The following RALA variants were observed in gnomAD, a reference collection of about 807,000 sequenced individuals.
RALA encodes RAS like proto-oncogene A, also known as ras-related protein Ral-A.
Under a neutral mutation model 24.0 loss-of-function variants are expected in RALA, and 5 were observed. The observed-to-expected ratio is 0.21, with a 90% confidence interval of 0.11 to 0.44. The LOEUF (loss-of-function observed/expected upper bound fraction) is 0.44. Ranked by LOEUF, RALA falls within the 20% of genes least tolerant of loss-of-function variation. RALA has a pLI of 0.99. For missense variants in RALA, 95 were observed against 241.2 expected, an observed-to-expected ratio of 0.39 and a Z score of 4.01; for synonymous variants, 77 against 83.8, an observed-to-expected ratio of 0.92 and a Z score of 0.44.
At chr7:39,697,761 T>TA (rs528360677) in intron 4 of RALA, among the ~76,000 whole-genome samples, 13 of 151,576 alleles carry the variant, frequency 8.6e-5, no homozygotes, top group Middle Eastern at 3.4e-3. Context: ...AGTACTAGGT[T>TA]AAAAAAAAAG....
intron 4 of RALA, chr7:39,697,450 C>T (rs926454699): frequency 2.2e-6 from 1 of 456,598 alleles, no homozygotes; most frequent in Non-Finnish European, 4.4e-6. Context: ...CCTGCAAGTA[C>T]ATTTCATCCC....
intron 1 of RALA, among the ~76,000 whole-genome samples, chr7:39,681,823 TTTC>T (rs1416955626): frequency 5.9e-5 from 9 of 152,198 alleles, no homozygotes; most frequent in African/African-American, 2.2e-4. Flanking sequence ...ACATTCAGTT[TTTC>T]TTGTTCAACT....
At chr7:39,636,241 G>A (rs768380684) in intron 1 of RALA, among the ~76,000 whole-genome samples, 3 of 152,126 alleles carry the variant, frequency 2.0e-5, no homozygotes, top group Non-Finnish European at 4.4e-5. Flanking sequence ...TGGAAGTGCT[G>A]GGTCGTATAA....
chr7:39,668,926 C>T lies in RALA; in HGVS notation c.-37-17705C>T, dbSNP rs535850325. Among the ~76,000 whole-genome samples, 8 of 151,392 alleles carry T rather than the reference C, an allele frequency of 5.3e-5. No individual in the cohort carries two copies. In the South Asian group the frequency reaches 1.3e-3, roughly 24 times the overall value. Reference sequence around the variant, plus strand: ...GTCAAGAGATCGAGACCATCCAGGCCGACATGGTGAAACCCCATCTCTACT... The same window carrying T: ...GTCAAGAGATCGAGACCATCCAGGCTGACATGGTGAAACCCCATCTCTACT... On this transcript the variant is annotated intron_variant, in intron 1 of 4. Coordinates refer to ENST00000005257, the MANE Select transcript of RALA (RefSeq NM_005402.4).
intron 1 of RALA, among the ~76,000 whole-genome samples, chr7:39,629,226 T>A (rs1320326105): frequency 6.6e-6 from 1 of 152,206 alleles, no homozygotes; most frequent in African/African-American, 2.4e-5. Flanking sequence ...GAGTGCTTAT[T>A]TCCTCACAGC....
At chr7:39,641,952 AAATT>A (rs1407591999) in intron 1 of RALA, among the ~76,000 whole-genome samples, 1 of 152,150 alleles carries the variant, frequency 6.6e-6, no homozygotes, top group Non-Finnish European at 1.5e-5. Context: ...TTTAATATGA[AAATT>A]AATTGCAGAA....
intron 1 of RALA, among the ~76,000 whole-genome samples, chr7:39,627,717 G>A (rs2115904861): frequency 6.6e-6 from 1 of 152,306 alleles, no homozygotes; most frequent in East Asian, 1.9e-4. Context: ...CACACTGCGT[G>A]ACCAAACACT....
intron 1 of RALA, chr7:39,624,229 TC>T (rs1215145814): frequency 6.6e-6 from 1 of 151,828 alleles, no homozygotes; most frequent in Non-Finnish European, 1.5e-5. Context: ...TCCCTTTCTT[TC>T]CACTCCTTGC....
intron 1 of RALA, among the ~76,000 whole-genome samples, chr7:39,666,631 G>T (rs564155109): frequency 5.3e-5 from 8 of 152,302 alleles, no homozygotes; most frequent in Admixed American, 4.6e-4. Context: ...TGGATGTGGG[G>T]TGCCACATAT....
chr7:39,638,636 G>A (rs1791726539), intron 1 of RALA, among the ~76,000 whole-genome samples: 1 of 151,976 alleles, frequency 6.6e-6, no homozygotes, highest in African/African-American at 2.4e-5. Context: ...TGTAGATATA[G>A]GGTTCTCCCC....
At chr7:39,626,818 A>C (rs1300436682) in intron 1 of RALA, among the ~76,000 whole-genome samples, 1 of 152,142 alleles carries the variant, frequency 6.6e-6, no homozygotes, top group Non-Finnish European at 1.5e-5. Context: ...ACTAATGGAA[A>C]TGGGGGAGAA....
rs1444755128 is a variant in RALA at position 39,677,945 on chromosome 7, G to T, written c.-37-8686G>T. On this transcript the variant is annotated intron_variant, in intron 1 of 4. Transcript: ENST00000005257. Reference sequence around the variant, plus strand: ...TTGTTTGAGTTCATTGTAGATTCTGGATATTAGCCCTTTGTCAGATGAGTA... The same window carrying T: ...TTGTTTGAGTTCATTGTAGATTCTGTATATTAGCCCTTTGTCAGATGAGTA... Among the ~76,000 whole-genome samples, 3 of 146,718 alleles carry T rather than the reference G, an allele frequency of 2.0e-5. No homozygotes were observed. The Admixed American group carries it at 2.1e-4, about 10-fold the overall frequency.
At chr7:39,654,908 A>G (rs200811063) in intron 1 of RALA, among the ~76,000 whole-genome samples, 2 of 152,118 alleles carry the variant, frequency 1.3e-5, no homozygotes, top group East Asian at 3.9e-4. Context: ...GTGCCACACT[A>G]TACCCAGCTA....
intron 1 of RALA, among the ~76,000 whole-genome samples, chr7:39,676,978 A>G (rs767097744): frequency 2.2e-4 from 34 of 152,176 alleles, no homozygotes; most frequent in Non-Finnish European, 4.0e-4. Context: ...TGCCAGCATA[A>G]TTAAGGATTT....
chr7:39,658,041 T>G (rs1255414494), intron 1 of RALA, among the ~76,000 whole-genome samples: 1 of 152,214 alleles, frequency 6.6e-6, no homozygotes, highest in East Asian at 1.9e-4. Flanking sequence ...GCACATGCAT[T>G]CTAGTCCGTA....
chr7:39,624,197 C>T (rs1791434012), intron 1 of RALA: 1 of 152,288 alleles, frequency 6.6e-6, no homozygotes, highest in Non-Finnish European at 1.5e-5. Context: ...CCCCGCGCCT[C>T]ACTCCACCCC....
Position 39,706,350 on chromosome 7 carries a change from A to G in RALA, c.*105A>G, listed in dbSNP as rs1475982808. On this transcript the variant is annotated 3_prime_UTR_variant, in exon 5 of 5. Coordinates refer to ENST00000005257, the MANE Select transcript of RALA (RefSeq NM_005402.4). ...CTGAAATTACTTTAACATTTTGGAA[A>G]TTGTTGTATATCACTAAAAGCATGA... 1 of 1,241,108 alleles carries G rather than the reference A, an allele frequency of 8.1e-7. No individual in the cohort carries two copies. The highest frequency in any genetic ancestry group is 1.5e-5 in the African/African-American group (1 of 64,618). 76.9% of individuals were successfully genotyped at this position (1,241,108 alleles called of 1,614,324 possible). A position where few individuals can be genotyped will look rare whatever the true frequency, so the allele number is the denominator to read the frequency against.
At chr7:39,655,223 T>C (rs1404491952) in intron 1 of RALA, among the ~76,000 whole-genome samples, 7 of 152,186 alleles carry the variant, frequency 4.6e-5, no homozygotes, top group African/African-American at 7.2e-5. Flanking sequence ...TTGTAAGATA[T>C]CCATACCATG....
intron 1 of RALA, among the ~76,000 whole-genome samples, chr7:39,645,910 C>T (rs1791916767): frequency 6.6e-6 from 1 of 152,072 alleles, no homozygotes; most frequent in Non-Finnish European, 1.5e-5. Context: ...TTAGAGGTGT[C>T]AGGAGGTTGT....
Sources: gnomAD v4.1 joint callset for allele counts (sites outside exome capture counted in the v4.1 genomes callset) on GRCh38, gnomAD v4.1.1 for gene constraint, MANE v1.5 for transcripts, NCBI Gene and HGNC (gene_info 2026-07-23, HGNC 2026-07-21) for gene names.